The following EEA1 variants were observed in gnomAD, a reference collection of about 807,000 sequenced individuals.
The protein encoded by EEA1 is early endosome antigen 1, 162kD.
Under a neutral mutation model 209.2 loss-of-function variants are expected in EEA1, and 111 were observed. That is an observed-to-expected ratio of 0.53 (90% CI 0.45 to 0.62). The LOEUF (loss-of-function observed/expected upper bound fraction) is 0.62, where lower values mean the gene tolerates loss of function less well. EEA1 is among the 20% of genes least tolerant of loss of function. EEA1 has a pLI of 0.00. For missense variants in EEA1, 1,343 were observed against 1,530.8 expected, an observed-to-expected ratio of 0.88 and a Z score of 2.05; for synonymous variants, 536 against 540.6, an observed-to-expected ratio of 0.99 and a Z score of 0.12.
chr12:92,895,391 T>A (rs1168519510), intron 1 of EEA1: 1 of 154,098 alleles, frequency 6.5e-6, no homozygotes, highest in Non-Finnish European at 1.5e-5. Flanking sequence ...GGTCTCGATC[T>A]CCTGACCTCA....
intron 20 of EEA1, among the ~76,000 whole-genome samples, chr12:92,800,500 G>A (rs1221080271): frequency 6.6e-6 from 1 of 152,106 alleles, no homozygotes; most frequent in Non-Finnish European, 1.5e-5. Flanking sequence ...TTGAAAAAAT[G>A]TTAGTGTTAT....
At chr12:92,816,488 A>C (rs1220762049) in intron 14 of EEA1, 88 bp from the exon 15 acceptor site, 6 of 1,263,260 alleles carry the variant, frequency 4.7e-6, no homozygotes, top group Non-Finnish European at 6.7e-6. Flanking sequence ...GAGAATATTA[A>C]AGTGCTTTAT....
intron 5 of EEA1, 110 bp from the exon 6 acceptor site, chr12:92,854,064 T>C: frequency 1.2e-6 from 1 of 830,506 alleles, no homozygotes; most frequent in South Asian, 2.4e-5. Flanking sequence ...AGGTAAGTAG[T>C]AAGATTTTGG....
intron 9 of EEA1, 57 bp downstream of exon 9, chr12:92,851,054 T>C (rs1877606347): frequency 6.5e-7 from 1 of 1,530,660 alleles, no homozygotes; most frequent in Non-Finnish European, 8.8e-7. Context: ...CTTCACTCAA[T>C]AGTATACACT....
intron 21 of EEA1, among the ~76,000 whole-genome samples, chr12:92,793,566 A>T (rs182939630): frequency 3.9e-5 from 6 of 152,232 alleles, no homozygotes; most frequent in Admixed American, 3.9e-4. Flanking sequence ...TAGGAATCCA[A>T]CTTACAAGGG....
At chr12:92,917,300 A>C (rs1178068291) in intron 1 of EEA1, among the ~76,000 whole-genome samples, 1 of 127,338 alleles carries the variant, frequency 7.9e-6, no homozygotes, top group Non-Finnish European at 1.7e-5. Context: ...TGTCAGATTC[A>C]CCAAAGTTGA....
intron 2 of EEA1, among the ~76,000 whole-genome samples, chr12:92,881,986 A>G (rs1879167564): frequency 6.6e-6 from 1 of 152,194 alleles, no homozygotes; most frequent in Non-Finnish European, 1.5e-5. Flanking sequence ...CCTACTCAAC[A>G]TAAAGACAAA....
intron 1 of EEA1, 47 bp from the exon 2 acceptor site, chr12:92,891,768 A>G (rs767995034): frequency 1.5e-6 from 2 of 1,341,850 alleles, no homozygotes; most frequent in Non-Finnish European, 2.1e-6. Flanking sequence ...GCAGACATTA[A>G]CAATATATTC....
At chr12:92,922,374 C>G (rs900570367) in intron 1 of EEA1, among the ~76,000 whole-genome samples, 5 of 152,188 alleles carry the variant, frequency 3.3e-5, no homozygotes, top group African/African-American at 1.2e-4. Context: ...TTTCTCCATC[C>G]CCAAAACTGC....
chr12:92,865,903 A>G (rs61935281), intron 2 of EEA1, among the ~76,000 whole-genome samples: 39,155 of 150,988 alleles, frequency 0.26, 5,564 homozygotes, highest in Non-Finnish European at 0.32. Context: ...ACCCGCCACC[A>G]CGCCCAGCTA....
chr12:92,854,237 TAATA>T (rs1305553975), intron 5 of EEA1, among the ~76,000 whole-genome samples: 3 of 152,200 alleles, frequency 2.0e-5, no homozygotes, highest in Non-Finnish European at 1.5e-5. Context: ...ATGAATTCAG[TAATA>T]AATAAATAGC....
chr12:92,781,559 T>C (rs1873903063), intron 23 of EEA1, among the ~76,000 whole-genome samples: 1 of 152,238 alleles, frequency 6.6e-6, no homozygotes, highest in African/African-American at 2.4e-5. Context: ...ATCTGGTTCT[T>C]AATTTTAAGA....
chr12:92,877,688 C>A (rs879770969), intron 2 of EEA1, among the ~76,000 whole-genome samples: 3 of 151,724 alleles, frequency 2.0e-5, no homozygotes, highest in Admixed American at 6.6e-5. Context: ...GCCACCACAC[C>A]CTTTAGTAGA....
intron 10 of EEA1, among the ~76,000 whole-genome samples, chr12:92,840,381 C>T (rs1462104978): frequency 6.6e-6 from 1 of 152,170 alleles, no homozygotes; most frequent in African/African-American, 2.4e-5. Flanking sequence ...GGCATGATCT[C>T]GGCTCACTGC....
chr12:92,893,608 T>C (rs1404779782), intron 1 of EEA1, among the ~76,000 whole-genome samples: 1 of 152,128 alleles, frequency 6.6e-6, no homozygotes, highest in Non-Finnish European at 1.5e-5. Context: ...AATGGAAAAA[T>C]ATACACAGTA....
At position 92,776,148 on chromosome 12, in the gene EEA1, A is replaced by G; in HGVS notation, c.4114-15T>C. On this transcript the variant is annotated splice_polypyrimidine_tract_variant and intron_variant, in intron 28 of 28. Coordinates refer to ENST00000322349, the MANE Select transcript of EEA1 (RefSeq NM_003566.4). ...CGGCAGTGATGCTGTAAATGACAAAAATTAAACAATTTCAAGAATAAAAAC... is the reference window on the plus strand; with the variant it reads ...CGGCAGTGATGCTGTAAATGACAAAGATTAAACAATTTCAAGAATAAAAAC... 1 of 1,595,080 alleles carries G rather than the reference A, an allele frequency of 6.3e-7. No individual in the cohort carries two copies. Among genetic ancestry groups the G allele is most frequent in the Non-Finnish European group, 8.5e-7 (1 of 1,170,128 alleles).
chr12:92,899,636 A>C (rs1265953992), intron 1 of EEA1, among the ~76,000 whole-genome samples: 1 of 152,216 alleles, frequency 6.6e-6, no homozygotes, highest in Non-Finnish European at 1.5e-5. Flanking sequence ...GAAAGTTAGG[A>C]TCATCTTCCT....
chr12:92,909,004 G>C lies in EEA1; in HGVS notation c.25-17283C>G, dbSNP rs193281873. Among the ~76,000 whole-genome samples, 392 of 152,146 alleles carry C rather than the reference G, an allele frequency of 2.6e-3. 3 individuals are homozygous for C. Among genetic ancestry groups the C allele is most frequent in the African/African-American group, 8.7e-3 (363 of 41,506 alleles). ...ACACCCAGCTAATTAGTAAAGATGG[G>C]GTTTCGCCGTGTTAGCCAGGATGGT... On this transcript the variant is annotated intron_variant, in intron 1 of 28. Transcript: ENST00000322349.
intron 28 of EEA1, 69 bp downstream of exon 28, chr12:92,776,775 T>C (rs913561226): frequency 9.4e-6 from 13 of 1,388,078 alleles, no homozygotes; most frequent in African/African-American, 8.6e-5. Context: ...ACTATTTTGA[T>C]GGTTAAAACA....
Sources: gnomAD v4.1 joint callset for allele counts (sites outside exome capture counted in the v4.1 genomes callset) on GRCh38, gnomAD v4.1.1 for gene constraint, MANE v1.5 for transcripts, NCBI Gene and HGNC (gene_info 2026-07-23, HGNC 2026-07-21) for gene names.